The following CACNA2D3 variants were observed in gnomAD, a reference collection of about 807,000 sequenced individuals.
CACNA2D3 encodes voltage-dependent calcium channel subunit alpha-2/delta-3.
Under a neutral mutation model 160.6 loss-of-function variants are expected in CACNA2D3, and 60 were observed. The observed-to-expected ratio is 0.37, with a 90% CI of 0.30 to 0.46. CACNA2D3 has a LOEUF of 0.46. Among genes scored for constraint, CACNA2D3 ranks in the 20% least tolerant of loss-of-function variants. CACNA2D3 has a pLI of 1.00. For synonymous variants in CACNA2D3, 558 were observed against 492.9 expected (o/e 1.13, Z -1.75); for missense variants, 1,205 against 1,365.0 (o/e 0.88, Z 1.85).
intron 2 of CACNA2D3, among the ~76,000 whole-genome samples, chr3:54,159,699 TACCC>T (rs1700307176): frequency 6.6e-6 from 1 of 152,168 alleles, no homozygotes; most frequent in Admixed American, 6.5e-5. Context: ...TTGGATTTGT[TACCC>T]ACAAAATTTT....
At chr3:55,032,152 G>A (rs1460582367) in intron 35 of CACNA2D3, among the ~76,000 whole-genome samples, 1 of 152,142 alleles carries the variant, frequency 6.6e-6, no homozygotes, top group Non-Finnish European at 1.5e-5. Flanking sequence ...GCTCAGAGGA[G>A]TAAACTCTCC....
At chr3:54,363,737 A>G (rs1243201005) in intron 3 of CACNA2D3, among the ~76,000 whole-genome samples, 1 of 152,184 alleles carries the variant, frequency 6.6e-6, no homozygotes. Context: ...CAGATCACCA[A>G]AACCCACAGT....
intron 5 of CACNA2D3, among the ~76,000 whole-genome samples, chr3:54,533,899 T>C (rs1407298636): frequency 6.6e-6 from 1 of 152,164 alleles, no homozygotes; most frequent in Non-Finnish European, 1.5e-5. Context: ...GAGAAAAATA[T>C]ACAGGTGTTC....
rs112305713 is a variant in CACNA2D3 at position 54,513,592 on chromosome 3, G to A, written c.544+9938G>A. 3.8e-3 allele frequency among the ~76,000 whole-genome samples: 578 copies of A among 151,984 alleles called. 5 individuals are homozygous for A. Among genetic ancestry groups the A allele is most frequent in the African/African-American group, 0.013 (543 of 41,424 alleles). On this transcript the variant is annotated intron_variant, in intron 5 of 37. Coordinates refer to ENST00000474759, the MANE Select transcript of CACNA2D3 (RefSeq NM_018398.3). ...AATACTTTGGCTTTAGAACCACCCG[G>A]GCTCCACACTGCCTCCCTATACTGT...
At chr3:54,461,453 C>A (rs7631693) in intron 4 of CACNA2D3, among the ~76,000 whole-genome samples, 67,750 of 150,204 alleles carry the variant, frequency 0.45, 16,419 homozygotes, top group Non-Finnish European at 0.53. Flanking sequence ...ACAATTTCAG[C>A]TCCTGTTATT....
At chr3:54,875,812 C>G (rs779804122) in intron 18 of CACNA2D3, 4 of 152,272 alleles carry the variant, frequency 2.6e-5, no homozygotes, top group African/African-American at 7.2e-5. Context: ...AGCGGAGAGG[C>G]TGATCACTGT....
At chr3:54,435,882 G>T (rs1215488242) in intron 4 of CACNA2D3, among the ~76,000 whole-genome samples, 1 of 151,974 alleles carries the variant, frequency 6.6e-6, no homozygotes, top group Non-Finnish European at 1.5e-5. Flanking sequence ...AAAAACAGAA[G>T]TAATTTAAAA....
At chr3:54,300,393 G>T (rs1330896065) in intron 2 of CACNA2D3, among the ~76,000 whole-genome samples, 2 of 152,230 alleles carry the variant, frequency 1.3e-5, no homozygotes, top group Non-Finnish European at 2.9e-5. Context: ...TCCAGAGGAT[G>T]TTGGGTTGCA....
intron 4 of CACNA2D3, among the ~76,000 whole-genome samples, chr3:54,436,711 T>C (rs189840331): frequency 7.0e-4 from 106 of 152,094 alleles, no homozygotes; most frequent in African/African-American, 2.5e-3. Flanking sequence ...TTCTCACTCA[T>C]AAGTGGGAGT....
At chr3:55,000,565 A>ATAAACTTAAAAGT (rs1702959946) in intron 31 of CACNA2D3, among the ~76,000 whole-genome samples, 1 of 152,238 alleles carries the variant, frequency 6.6e-6, no homozygotes, top group Non-Finnish European at 1.5e-5. Context: ...AACTTAAAGT[A>ATAAACTTAAAAGT]ATATTTAAAA....
At chr3:54,997,609 C>T (rs1343028270) in intron 31 of CACNA2D3, among the ~76,000 whole-genome samples, 2 of 151,122 alleles carry the variant, frequency 1.3e-5, no homozygotes, top group African/African-American at 4.9e-5. Context: ...ACCTGTAGTC[C>T]TAGCTATCCA....
intron 16 of CACNA2D3, among the ~76,000 whole-genome samples, chr3:54,842,608 T>C (rs1273895476): frequency 8.4e-5 from 2 of 23,692 alleles, no homozygotes; most frequent in Non-Finnish European, 2.2e-4. Flanking sequence ...TTTTCTTTTC[T>C]TTTTTTTTTT....
At chr3:55,044,643 G>A (rs1704036403) in intron 35 of CACNA2D3, among the ~76,000 whole-genome samples, 1 of 151,848 alleles carries the variant, frequency 6.6e-6, no homozygotes, top group South Asian at 2.1e-4. Context: ...GGAACCTCCA[G>A]AGTGATGGTG....
At chr3:54,511,245 C>G (rs150066384) in intron 5 of CACNA2D3, among the ~76,000 whole-genome samples, 10 of 152,208 alleles carry the variant, frequency 6.6e-5, no homozygotes, top group African/African-American at 2.4e-4. Flanking sequence ...TTTATGCCCC[C>G]GTGTGGGGGT....
At chr3:54,905,031 C>T (rs897093401) in intron 27 of CACNA2D3, among the ~76,000 whole-genome samples, 8 of 152,158 alleles carry the variant, frequency 5.3e-5, no homozygotes, top group African/African-American at 1.7e-4. Context: ...CTGATCACAT[C>T]AGCAGATAAA....
chr3:54,729,482 T>C (rs1460341608), intron 11 of CACNA2D3, among the ~76,000 whole-genome samples: 1 of 152,224 alleles, frequency 6.6e-6, no homozygotes, highest in African/African-American at 2.4e-5. Flanking sequence ...AGAGTTGCTT[T>C]ATTCCAGGAG....
chr3:54,724,264 A>C (rs1167892961), intron 11 of CACNA2D3, among the ~76,000 whole-genome samples: 1 of 152,208 alleles, frequency 6.6e-6, no homozygotes, highest in African/African-American at 2.4e-5. Flanking sequence ...CCAGATTCAT[A>C]AAGCAAGTTC....
chr3:54,134,077 G>A (rs1365725770), intron 2 of CACNA2D3, among the ~76,000 whole-genome samples: 11 of 152,154 alleles, frequency 7.2e-5, no homozygotes, highest in Admixed American at 7.2e-4. Context: ...ATTTATTGGT[G>A]CTTATTTTTT....
chr3:54,336,695 G>A (rs576202962), intron 3 of CACNA2D3, among the ~76,000 whole-genome samples: 17 of 152,290 alleles, frequency 1.1e-4, no homozygotes, highest in African/African-American at 3.8e-4. Context: ...AAGGCAGCTA[G>A]AGACTCCCTA....
Sources: allele counts gnomAD v4.1 joint callset (sites outside exome capture counted in the v4.1 genomes callset), GRCh38; gene constraint gnomAD v4.1.1; transcripts MANE v1.5; gene names NCBI Gene and HGNC (gene_info 2026-07-23, HGNC 2026-07-21).